The following EIF3H variants were observed in gnomAD, a reference collection of about 807,000 sequenced individuals.
The protein encoded by EIF3H is eukaryotic translation initiation factor 3 subunit H, also known as eIF-3-gamma.
Under a neutral mutation model 44.2 loss-of-function variants are expected in EIF3H, and 26 were observed. That is an observed-to-expected ratio of 0.59 (90% CI 0.43 to 0.82). The LOEUF (loss-of-function observed/expected upper bound fraction) is 0.82, where lower values mean the gene tolerates loss of function less well. Ranked by LOEUF, EIF3H falls within the 40% of genes least tolerant of loss-of-function variation. The pLI is 0.00. For synonymous variants in EIF3H, 166 were observed against 151.9 expected (o/e 1.09, Z -0.68); for missense variants, 359 against 432.8 (o/e 0.83, Z 1.51).
At chr8:116,743,964 G>A (rs749129993) in intron 1 of EIF3H, among the ~76,000 whole-genome samples, 9 of 151,826 alleles carry the variant, frequency 5.9e-5, no homozygotes, top group Non-Finnish European at 1.0e-4. Context: ...CACTGTCCAA[G>A]TACAAAATAA....
chr8:116,674,589 A>G (rs1294345733), intron 2 of EIF3H, among the ~76,000 whole-genome samples: 1 of 152,224 alleles, frequency 6.6e-6, no homozygotes, highest in East Asian at 1.9e-4. Context: ...AAGAACACAT[A>G]TGTTCAGAAT....
At chr8:116,734,175 C>G in intron 1 of EIF3H, 1 of 428,528 alleles carries the variant, frequency 2.3e-6, no homozygotes. Flanking sequence ...TTAGGAGCCA[C>G]TATTCTAGAA....
chr8:116,710,694 C>G (rs1814559158), intron 2 of EIF3H, among the ~76,000 whole-genome samples: 1 of 152,186 alleles, frequency 6.6e-6, no homozygotes, highest in Admixed American at 6.5e-5. Flanking sequence ...CTTCTGAAAA[C>G]ATACTGGAAT....
At chr8:116,724,583 T>G (rs1814801874) in intron 2 of EIF3H, among the ~76,000 whole-genome samples, 1 of 152,070 alleles carries the variant, frequency 6.6e-6, no homozygotes, top group Non-Finnish European at 1.5e-5. Context: ...CCATAACTCC[T>G]TCAACTCAAC....
intron 2 of EIF3H, chr8:116,697,251 G>A (rs1004174397): frequency 1.8e-5 from 8 of 443,684 alleles, no homozygotes; most frequent in Admixed American, 1.3e-4. Context: ...GATGAAATCA[G>A]AAGAAACAAA....
intron 1 of EIF3H, among the ~76,000 whole-genome samples, chr8:116,745,335 T>C (rs1277536064): frequency 6.6e-6 from 1 of 152,184 alleles, no homozygotes; most frequent in East Asian, 1.9e-4. Flanking sequence ...CAGGTTCTCT[T>C]TATTACAGTA....
chr8:116,660,516 CG>C (rs370812963), intron 2 of EIF3H, among the ~76,000 whole-genome samples: 1 of 152,118 alleles, frequency 6.6e-6, no homozygotes, highest in African/African-American at 2.4e-5. Context: ...ACAAGAATTG[CG>C]TGTTTTTTGA....
Position 116,648,936 on chromosome 8 carries a change from A to T in EIF3H, c.708-10T>A. 2 of 1,609,238 alleles carry T rather than the reference A, an allele frequency of 1.2e-6. No individual in the cohort carries two copies. Among genetic ancestry groups the T allele is most frequent in the African/African-American group, 1.3e-5 (1 of 74,856 alleles). ...CTTCCCCAAATGATTGCTGAAATGTAAAGTAAATATACTGACAAGTCTTAC... is the reference window on the plus strand; with the variant it reads ...CTTCCCCAAATGATTGCTGAAATGTTAAGTAAATATACTGACAAGTCTTAC... On this transcript the variant is annotated splice_polypyrimidine_tract_variant and intron_variant, in intron 5 of 7. Coordinates refer to ENST00000521861, the MANE Select transcript of EIF3H (RefSeq NM_003756.3).
intron 1 of EIF3H, among the ~76,000 whole-genome samples, chr8:116,738,848 A>G (rs1489295979): frequency 3.9e-5 from 6 of 152,266 alleles, no homozygotes; most frequent in South Asian, 2.1e-4. Flanking sequence ...CTGAATTATT[A>G]AAATGTTTTA....
At chr8:116,678,790 C>T (rs1336231307) in intron 2 of EIF3H, among the ~76,000 whole-genome samples, 5 of 144,100 alleles carry the variant, frequency 3.5e-5, no homozygotes, top group Admixed American at 6.7e-5. Context: ...GGAGCCCCTC[C>T]GTCCGGCAGC....
In EIF3H at chr8:116,657,293, C is replaced by A. The variant is rs1293766053; in HGVS notation, c.479G>T (p.Gly160Val). 1 of 1,613,476 alleles carries A rather than the reference C, an allele frequency of 6.2e-7. No individual in the cohort carries two copies. The highest frequency in any genetic ancestry group is 8.5e-7 in the Non-Finnish European group (1 of 1,179,566). Residue 160 changes from glycine to valine, a missense_variant, in exon 4 of 8, where the codon GGA becomes GTA. Physicochemically the swap from Gly to Val is moderately radical, Grantham distance 109 (BLOSUM62 -3). Coordinates refer to ENST00000521861, the MANE Select transcript of EIF3H (RefSeq NM_003756.3). ...TCTGTATGCCTTTAGTGAGAGAGAT[C>A]CTTGGGCAGTTTTTATGGGATCTCA... ...LIYDPIKTAQGSLSLKAYRLT... is the reference protein window; with the variant it reads ...LIYDPIKTAQVSLSLKAYRLT...
chr8:116,717,783 A>G (rs1048509369), intron 2 of EIF3H, among the ~76,000 whole-genome samples: 3 of 152,186 alleles, frequency 2.0e-5, no homozygotes, highest in Admixed American at 6.5e-5. Context: ...AAAACCTGAA[A>G]CCATAAAAAT....
rs184811568 is a variant in EIF3H, at chr8:116,719,502, T to C, written c.289+6514A>G. On this transcript the variant is annotated intron_variant, in intron 2 of 7. Transcript: ENST00000521861. Reference sequence around the variant, plus strand: ...TGGGAAAATGTTTGAATGGAAAGCATAGTCATCCAGGAAAAAGGCCAGATA... The same window carrying C: ...TGGGAAAATGTTTGAATGGAAAGCACAGTCATCCAGGAAAAAGGCCAGATA... Among the ~76,000 whole-genome samples, 901 of 152,114 alleles carry C rather than the reference T, an allele frequency of 5.9e-3. 6 individuals are homozygous for C. The highest frequency in any genetic ancestry group is 0.02 in the African/African-American group (828 of 41,508).
intron 1 of EIF3H, among the ~76,000 whole-genome samples, chr8:116,740,373 T>G (rs956606970): frequency 6.6e-6 from 1 of 152,148 alleles, no homozygotes. Flanking sequence ...AAGAAATGAA[T>G]AGTTTTCTCT....
chr8:116,741,354 T>G (rs1815129315), intron 1 of EIF3H, among the ~76,000 whole-genome samples: 1 of 152,206 alleles, frequency 6.6e-6, no homozygotes, highest in Non-Finnish European at 1.5e-5. Context: ...CAGCTGGACA[T>G]ACTATCTCTC....
chr8:116,763,186 T>C (rs1216597126), intron 1 of EIF3H, among the ~76,000 whole-genome samples: 1 of 152,202 alleles, frequency 6.6e-6, no homozygotes, highest in African/African-American at 2.4e-5. Flanking sequence ...GTGTAGGGAT[T>C]TCTACAGGAT....
At chr8:116,683,508 G>C (rs568381824) in intron 2 of EIF3H, among the ~76,000 whole-genome samples, 40 of 152,240 alleles carry the variant, frequency 2.6e-4, no homozygotes, top group Admixed American at 9.2e-4. Flanking sequence ...CCCACCTCCA[G>C]CTATCATCAC....
chr8:116,750,441 G>T (rs867424069), intron 1 of EIF3H, among the ~76,000 whole-genome samples: 1 of 133,958 alleles, frequency 7.5e-6, no homozygotes, highest in African/African-American at 2.9e-5. Flanking sequence ...ACGGAGTCTC[G>T]CTCTGTCGCC....
chr8:116,706,150 G>A (rs2130889675), intron 2 of EIF3H, among the ~76,000 whole-genome samples: 1 of 152,284 alleles, frequency 6.6e-6, no homozygotes, highest in East Asian at 1.9e-4. Context: ...GACAGCTGAT[G>A]AGTCATCAAT....
Sources: gnomAD v4.1 joint callset for allele counts (sites outside exome capture counted in the v4.1 genomes callset) on GRCh38, gnomAD v4.1.1 for gene constraint, MANE v1.5 for transcripts, NCBI Gene and HGNC (gene_info 2026-07-23, HGNC 2026-07-21) for gene names.